Variants in GREB1L observed in about 807,000 individuals in gnomAD.
GREB1L encodes the protein GREB1-like protein.
In GREB1L, 17 loss-of-function variants were observed where a neutral mutation model predicts 200.8. The observed-to-expected ratio is 0.08, with a 90% CI of 0.06 to 0.13. GREB1L has a LOEUF of 0.13. Ranked by LOEUF, GREB1L falls within the 10% of genes least tolerant of loss-of-function variation. GREB1L has a pLI of 1.00. For missense variants in GREB1L, 1,657 were observed against 2,367.7 expected (o/e 0.70, Z 6.23); for synonymous variants, 789 against 893.0 (o/e 0.88, Z 2.08).
chr18:21,475,892 C>T (rs2035672076), intron 16 of GREB1L, among the ~76,000 whole-genome samples: 1 of 143,292 alleles, frequency 7.0e-6, no homozygotes, highest in Admixed American at 7.5e-5. Context: ...TCACTTGAAC[C>T]CAGGAGGCAG....
At chr18:21,492,567 T>C (rs1177947374) in intron 19 of GREB1L, among the ~76,000 whole-genome samples, 1 of 152,120 alleles carries the variant, frequency 6.6e-6, no homozygotes, top group Non-Finnish European at 1.5e-5. Flanking sequence ...CAGTCTGTCC[T>C]AAATAATTTA....
At chr18:21,502,810 G>A (rs931994056) in intron 23 of GREB1L, among the ~76,000 whole-genome samples, 5 of 152,162 alleles carry the variant, frequency 3.3e-5, no homozygotes, top group African/African-American at 7.2e-5. Flanking sequence ...CGCCAGGCTC[G>A]CTGGCACCAC....
intron 17 of GREB1L, among the ~76,000 whole-genome samples, chr18:21,481,364 G>A (rs1190165595): frequency 2.0e-5 from 3 of 151,584 alleles, no homozygotes; most frequent in African/African-American, 7.3e-5. Flanking sequence ...ACACATGGAG[G>A]CTGTGAGTTT....
At chr18:21,329,550 C>T (rs897244798) in intron 1 of GREB1L, among the ~76,000 whole-genome samples, 8 of 152,124 alleles carry the variant, frequency 5.3e-5, no homozygotes, top group Non-Finnish European at 1.2e-4. Context: ...ATTGCTTTTC[C>T]ACCCAGAGTG....
intron 4 of GREB1L, among the ~76,000 whole-genome samples, chr18:21,395,123 GA>G (rs1193761016): frequency 2.0e-4 from 25 of 125,354 alleles, no homozygotes; most frequent in Admixed American, 4.2e-4. Flanking sequence ...AAAAAAAAAA[GA>G]AAAAAAAAAG....
chr18:21,472,116 C>T (rs1357358432), intron 15 of GREB1L, among the ~76,000 whole-genome samples: 2 of 152,120 alleles, frequency 1.3e-5, no homozygotes, highest in African/African-American at 4.8e-5. Context: ...AAGAATTTTT[C>T]ATATGGTAAA....
intron 4 of GREB1L, among the ~76,000 whole-genome samples, chr18:21,395,091 G>A (rs1261961372): frequency 7.0e-6 from 1 of 142,742 alleles, no homozygotes; most frequent in African/African-American, 2.6e-5. Flanking sequence ...GGGCGACAGG[G>A]CGAGACTCCA....
At chr18:21,379,007 TTCCAGGCATGAGCCACCA>T (rs2040192594) in intron 2 of GREB1L, among the ~76,000 whole-genome samples, 1 of 152,138 alleles carries the variant, frequency 6.6e-6, no homozygotes, top group Non-Finnish European at 1.5e-5. Context: ...AGTGCTGGGA[TTCCAGGCATGAGCCACCA>T]GGCCCAGCCT....
At chr18:21,324,610 A>G (rs905606119) in intron 1 of GREB1L, among the ~76,000 whole-genome samples, 2 of 152,132 alleles carry the variant, frequency 1.3e-5, no homozygotes, top group Admixed American at 6.5e-5. Context: ...GGAGATCGAG[A>G]ACATCCTGGC....
intron 1 of GREB1L, among the ~76,000 whole-genome samples, chr18:21,358,600 C>A (rs1040577081): frequency 3.3e-5 from 5 of 152,238 alleles, no homozygotes; most frequent in African/African-American, 1.2e-4. Context: ...CAGGCATGAG[C>A]CACCGCGCCC....
chr18:21,338,248 G>T (rs2039217953), intron 1 of GREB1L, among the ~76,000 whole-genome samples: 1 of 152,154 alleles, frequency 6.6e-6, no homozygotes, highest in African/African-American at 2.4e-5. Flanking sequence ...CTCTGAGAGG[G>T]AATAAGAGCT....
At chr18:21,388,533 CTTTTTTT>C (rs768141691) in intron 4 of GREB1L, among the ~76,000 whole-genome samples, 3 of 74,652 alleles carry the variant, frequency 4.0e-5, no homozygotes, top group South Asian at 5.4e-4. Context: ...CCTTAGGTTC[CTTTTTTT>C]TTTTTTTTTT....
At chr18:21,456,273 G>A (rs1470413204) in intron 15 of GREB1L, among the ~76,000 whole-genome samples, 2 of 152,132 alleles carry the variant, frequency 1.3e-5, no homozygotes, top group Non-Finnish European at 2.9e-5. Context: ...GAGTAGCATG[G>A]CTCAGTGAGA....
At chr18:21,279,604 C>T (rs190673103) in intron 1 of GREB1L, among the ~76,000 whole-genome samples, 12 of 152,192 alleles carry the variant, frequency 7.9e-5, no homozygotes, top group South Asian at 2.1e-4. Context: ...GCGAATTTAG[C>T]GGGTTTAAAA....
In GREB1L at chr18:21,414,050, T is replaced by C. The variant is rs78894164; in HGVS notation, c.832+10056T>C. On this transcript the variant is annotated intron_variant, in intron 7 of 32. Coordinates refer to ENST00000424526, the MANE Select transcript of GREB1L (RefSeq NM_001142966.3). The stretch of plus-strand genomic sequence containing the variant: ...TTTAAAATATTTATACCTTTTGCTA[T>C]AATAATCTCACTTTAGCGGGCTTAA... 8.7e-3 allele frequency among the ~76,000 whole-genome samples: 1,320 copies of C among 152,334 alleles called. 20 individuals carry two copies. The highest frequency in any genetic ancestry group is 0.03 in the African/African-American group (1,249 of 41,562).
In GREB1L at chr18:21,505,441, T is replaced by A; in HGVS notation, c.4102T>A (p.Ser1368Thr). 6.4e-7 allele frequency: 1 copy of A among 1,551,576 alleles called. No homozygotes were observed. Among genetic ancestry groups the A allele is most frequent in the East Asian group, 2.4e-5 (1 of 40,924 alleles). ...CAATGAAAGCAGTGAAGTGAGCCAG[T>A]CAGAGGGAGAGCCCTGGCCTGACAT... Reference protein sequence around the residue: ...DHNESSEVSQSEGEPWPDIES... With the variant: ...DHNESSEVSQTEGEPWPDIES... The change falls in exon 24 of 33, where the codon TCA (serine) becomes ACA (threonine). Residue 1368 changes from serine to threonine, a missense_variant. Ser to Thr is a moderately conservative substitution (Grantham distance 58). Coordinates refer to ENST00000424526, the MANE Select transcript of GREB1L (RefSeq NM_001142966.3).
At chr18:21,275,230 C>T (rs2085734260) in intron 1 of GREB1L, among the ~76,000 whole-genome samples, 1 of 150,294 alleles carries the variant, frequency 6.7e-6, no homozygotes, top group Non-Finnish European at 1.5e-5. Flanking sequence ...CAGAGTGAGA[C>T]TCTGTCTCTA....
chr18:21,444,482 T>C (rs1245730943), intron 11 of GREB1L, 73 bp downstream of exon 11: 2 of 1,215,650 alleles, frequency 1.6e-6, no homozygotes, highest in East Asian at 5.1e-5. Context: ...TTTCTTTCTT[T>C]CTCACATTTA....
At chr18:21,259,904 C>T (rs2037862543) in intron 1 of GREB1L, among the ~76,000 whole-genome samples, 1 of 151,358 alleles carries the variant, frequency 6.6e-6, no homozygotes, top group Admixed American at 6.6e-5. Context: ...GACCACTGTT[C>T]AACTCATATC....
Sources: allele counts gnomAD v4.1 joint callset (sites outside exome capture counted in the v4.1 genomes callset), GRCh38; gene constraint gnomAD v4.1.1; transcripts MANE v1.5; gene names NCBI Gene and HGNC (gene_info 2026-07-23, HGNC 2026-07-21).